Variants in TRIM71 observed in about 807,000 individuals in gnomAD.
TRIM71 encodes E3 ubiquitin-protein ligase TRIM71.
A neutral mutation model predicts 61.2 loss-of-function variants in TRIM71; 9 were observed. The observed-to-expected ratio is 0.15, with a 90% CI of 0.09 to 0.26. The LOEUF (loss-of-function observed/expected upper bound fraction) is 0.26. TRIM71 is among the 10% of genes least tolerant of loss of function. The probability of loss-of-function intolerance (pLI) is 1.00; values close to 1 mark genes in which losing one functional copy is unlikely to be tolerated. For synonymous variants in TRIM71, 645 were observed against 553.2 expected (o/e 1.17, Z -2.33); for missense variants, 998 against 1,238.7 (o/e 0.81, Z 2.92).
intron 1 of TRIM71, among the ~76,000 whole-genome samples, chr3:32,828,570 C>T (rs1225532729): frequency 7.8e-6 from 1 of 128,138 alleles, no homozygotes; most frequent in Non-Finnish European, 1.6e-5. Context: ...TGCAGTGGTG[C>T]AATCACAGCT....
At chr3:32,877,551 C>T (rs896876005) in intron 2 of TRIM71, among the ~76,000 whole-genome samples, 2 of 151,916 alleles carry the variant, frequency 1.3e-5, no homozygotes, top group Non-Finnish European at 2.9e-5. Flanking sequence ...AGATGGGGCT[C>T]GCTTTGTTGT....
intron 1 of TRIM71, among the ~76,000 whole-genome samples, chr3:32,868,638 T>G (rs1477750780): frequency 6.7e-6 from 1 of 148,486 alleles, no homozygotes; most frequent in Non-Finnish European, 1.5e-5. Flanking sequence ...GAATAAAGCT[T>G]TTTTTTTTTT....
chr3:32,820,589 G>A (rs1696116062), intron 1 of TRIM71, among the ~76,000 whole-genome samples: 1 of 152,154 alleles, frequency 6.6e-6, no homozygotes. Context: ...AGCAGAATGG[G>A]GTTGAATCCA....
At chr3:32,852,600 G>C (rs1696550011) in intron 1 of TRIM71, among the ~76,000 whole-genome samples, 1 of 152,102 alleles carries the variant, frequency 6.6e-6, no homozygotes, top group South Asian at 2.1e-4. Flanking sequence ...ACCTGTAGGG[G>C]ATAGGGAGCC....
rs999025688 is a variant in TRIM71, at chr3:32,820,553, T to C, written c.852+1621T>C. Among the ~76,000 whole-genome samples, 62 of 152,226 alleles carry C rather than the reference T, an allele frequency of 4.1e-4. 1 individual carries two copies. ...AACAGAAAAATGGAGCCAATTCACT[T>C]GCAGTTTGGGATCAAATGCAGGGTG... On this transcript the variant is annotated intron_variant, in intron 1 of 3. Transcript: ENST00000383763.
chr3:32,835,469 G>A (rs1475345383), intron 1 of TRIM71, among the ~76,000 whole-genome samples: 2 of 152,098 alleles, frequency 1.3e-5, no homozygotes, highest in Non-Finnish European at 2.9e-5. Context: ...CACTTGATAG[G>A]AGTGAAAAAG....
chr3:32,836,334 A>T (rs1042926678), intron 1 of TRIM71, among the ~76,000 whole-genome samples: 1 of 151,556 alleles, frequency 6.6e-6, no homozygotes. Context: ...TGAGCTTTTC[A>T]TATGTTTACT....
intron 1 of TRIM71, among the ~76,000 whole-genome samples, chr3:32,862,078 G>A (rs866851034): frequency 2.6e-5 from 4 of 152,200 alleles, no homozygotes; most frequent in Non-Finnish European, 4.4e-5. Context: ...TTTTGGGGGA[G>A]GAGGGGAGCA....
intron 2 of TRIM71, among the ~76,000 whole-genome samples, chr3:32,883,639 A>G (rs997517276): frequency 1.3e-5 from 2 of 152,242 alleles, no homozygotes; most frequent in East Asian, 1.9e-4. Flanking sequence ...TTTCCACACA[A>G]GGTCACATCC....
At position 32,818,264 on chromosome 3, in the gene TRIM71, C is replaced by T. The variant is rs1325643078; in HGVS notation, c.184C>T (p.Leu62=). ...AARRLHVLPC[L]HAFCRPCLEA... is the part of the protein sequence containing the mutation. ...GCGCCGCCTACACGTCCTGCCCTGC[C>T]TGCACGCCTTCTGCCGCCCCTGCCT... The change falls in exon 1 of 4, where the codon CTG becomes TTG. Residue 62 remains leucine, a synonymous_variant. Coordinates refer to ENST00000383763, the MANE Select transcript of TRIM71 (RefSeq NM_001039111.3). 9.7e-6 allele frequency: 14 copies of T among 1,439,568 alleles called. No homozygotes were observed. The highest frequency in any genetic ancestry group is 1.3e-5 in the Non-Finnish European group (14 of 1,110,228). The allele number at this position is 1,439,568 out of a possible 1,614,324, so 89.2% of individuals were successfully genotyped here.
At position 32,873,060 on chromosome 3, in the gene TRIM71, TCTTCCTCCCTCC is replaced by T. The variant is rs1190995942; in HGVS notation, c.853-755_853-744del. Among the ~76,000 whole-genome samples the T allele has an allele frequency of 1.1e-3, 110 of 96,154 alleles. 1 individual carries two copies. Among genetic ancestry groups the T allele is most frequent in the African/African-American group, 1.9e-3 (53 of 28,068 alleles). The allele number at this position is 96,154 out of a possible 152,430, so 63.1% of individuals were successfully genotyped here. A position where few individuals can be genotyped will look rare whatever the true frequency, so the allele number is the denominator to read the frequency against. ...TAAAGGTTGTGCCAGCCCTTCTCTC[TCTTCCTCCCTCC>T]CTCCCTCCCTCCCTCCCTCCCTCCC... On this transcript the variant is annotated intron_variant, in intron 1 of 3. Coordinates refer to ENST00000383763, the MANE Select transcript of TRIM71 (RefSeq NM_001039111.3).
intron 1 of TRIM71, among the ~76,000 whole-genome samples, chr3:32,863,983 T>C (rs962249993): frequency 6.6e-6 from 1 of 152,168 alleles, no homozygotes; most frequent in African/African-American, 2.4e-5. Flanking sequence ...ACGCCTGAAC[T>C]TCTTGTGTGT....
In TRIM71 at chr3:32,818,020, T is replaced by A; in HGVS notation, c.-61T>A. 6.5e-7 allele frequency: 1 copy of A among 1,527,582 alleles called. No individual in the cohort carries two copies. The highest frequency in any genetic ancestry group is 9.0e-7 in the Non-Finnish European group (1 of 1,110,524). 94.6% of individuals were successfully genotyped at this position (1,527,582 alleles called of 1,614,324 possible). On this transcript the variant is annotated 5_prime_UTR_variant, in exon 1 of 4. Coordinates refer to ENST00000383763, the MANE Select transcript of TRIM71 (RefSeq NM_001039111.3). The stretch of plus-strand genomic sequence containing the variant: ...TGACTCCCCCACCCACCTCGTCCGC[T>A]CTCTCCTCCTCCTCCTCCTCTTCCT...
intron 1 of TRIM71, among the ~76,000 whole-genome samples, chr3:32,830,960 G>A (rs1212844362): frequency 1.3e-5 from 2 of 152,080 alleles, no homozygotes; most frequent in African/African-American, 2.4e-5. Context: ...ACAGGCGCCC[G>A]CCACCACGCC....
At chr3:32,853,991 G>A (rs147575411) in intron 1 of TRIM71, among the ~76,000 whole-genome samples, 2,633 of 151,372 alleles carry the variant, frequency 0.017, 28 homozygotes, top group Non-Finnish European at 0.027. Context: ...GTGACAGAGC[G>A]AGACTCCCAT....
intron 1 of TRIM71, among the ~76,000 whole-genome samples, chr3:32,819,895 T>C (rs1696108462): frequency 6.6e-6 from 1 of 152,248 alleles, no homozygotes; most frequent in Non-Finnish European, 1.5e-5. Context: ...CTTTTAGGGC[T>C]ACATTGCAAC....
intron 1 of TRIM71, among the ~76,000 whole-genome samples, chr3:32,873,241 C>T (rs1696818103): frequency 6.6e-6 from 1 of 152,152 alleles, no homozygotes; most frequent in South Asian, 2.1e-4. Flanking sequence ...TAGCTTTTTG[C>T]CTTCGTTCCA....
intron 1 of TRIM71, among the ~76,000 whole-genome samples, chr3:32,868,605 C>T (rs1242975432): frequency 6.8e-6 from 1 of 148,052 alleles, no homozygotes; most frequent in Non-Finnish European, 1.5e-5. Context: ...TTTGTTTTGT[C>T]TTAAAAAACT....
chr3:32,850,135 G>A (rs1340511523), intron 1 of TRIM71, among the ~76,000 whole-genome samples: 1 of 152,194 alleles, frequency 6.6e-6, no homozygotes, highest in Non-Finnish European at 1.5e-5. Context: ...TTTTCCAAAG[G>A]CAGGTAGTGG....
Sources: gnomAD v4.1 joint callset for allele counts (sites outside exome capture counted in the v4.1 genomes callset) on GRCh38, gnomAD v4.1.1 for gene constraint, MANE v1.5 for transcripts, NCBI Gene and HGNC (gene_info 2026-07-23, HGNC 2026-07-21) for gene names.